FBLN1: variants seen among roughly 807,000 people sequenced by gnomAD.
FBLN1 encodes fibulin-1.
In FBLN1, 34 loss-of-function variants were observed where a neutral mutation model predicts 89.7. The observed-to-expected ratio is 0.38, with a 90% CI of 0.29 to 0.50. The LOEUF (loss-of-function observed/expected upper bound fraction) is 0.50. Ranked by LOEUF, FBLN1 falls within the 20% of genes least tolerant of loss-of-function variation. The pLI is 0.92. For missense variants in FBLN1, 777 were observed against 988.1 expected, an observed-to-expected ratio of 0.79 and a Z score of 2.86; for synonymous variants, 393 against 391.3, an observed-to-expected ratio of 1.00 and a Z score of -0.05.
At position 45,549,169 on chromosome 22, in the gene FBLN1, G is replaced by A. The variant is rs1011315852; in HGVS notation, c.1573+425G>A. 6.6e-6 allele frequency among the ~76,000 whole-genome samples: 1 copy of A among 152,240 alleles called. No homozygotes were observed. The highest frequency in any genetic ancestry group is 1.5e-5 in the Non-Finnish European group (1 of 68,028). ...ATGGGTCAGCTCCAGCATCGGCTAAGTAATGGTGGCCAATGGCATTGGTTC... is the reference window on the plus strand; with the variant it reads ...ATGGGTCAGCTCCAGCATCGGCTAAATAATGGTGGCCAATGGCATTGGTTC... On this transcript the variant is annotated intron_variant, in intron 13 of 16. Coordinates refer to ENST00000327858, the MANE Select transcript of FBLN1 (RefSeq NM_006486.3). The surrounding 1 kb of genome is among the most constrained non-coding windows in gnomAD (Gnocchi z 5.7).
In FBLN1 at chr22:45,557,698, C is replaced by T. The variant is rs2088806199; in HGVS notation, c.1697+7083C>T. Among the ~76,000 whole-genome samples the T allele has an allele frequency of 6.6e-6, 1 of 152,232 alleles. No homozygotes were observed. Among genetic ancestry groups the T allele is most frequent in the Admixed American group, 6.5e-5 (1 of 15,284 alleles). ...TTTTATGTGATATGGTGAGCACTCT[C>T]ATGTGATACAAATATCTTCACAGTT... is the stretch of plus-strand genomic sequence containing the variant. On this transcript the variant is annotated intron_variant, in intron 14 of 16. Coordinates refer to ENST00000327858, the MANE Select transcript of FBLN1 (RefSeq NM_006486.3). The surrounding 1 kb of genome is among the most constrained non-coding windows in gnomAD (Gnocchi z 4.9).
At chr22:45,512,211 C>T (rs965794500) in intron 1 of FBLN1, among the ~76,000 whole-genome samples, 2 of 152,014 alleles carry the variant, frequency 1.3e-5, no homozygotes, top group Non-Finnish European at 2.9e-5. Flanking sequence ...TCGGTTGGCC[C>T]ACATTATCCT....
chr22:45,580,336 C>T lies in FBLN1; in HGVS notation c.1972+3228C>T, dbSNP rs905547541. On this transcript the variant is annotated intron_variant, in intron 16 of 16. Coordinates refer to ENST00000327858, the MANE Select transcript of FBLN1 (RefSeq NM_006486.3). The surrounding 1 kb of genome is among the most constrained non-coding windows in gnomAD (Gnocchi z 8.6). ...GCTGCCTGCAGCACACGGCAGGGAA[C>T]GCCGCCTACTCACGGTGCTTGCTGA... Among the ~76,000 whole-genome samples, 11 of 152,266 alleles carry T rather than the reference C, an allele frequency of 7.2e-5. No individual in the cohort carries two copies. The highest frequency in any genetic ancestry group is 2.4e-4 in the African/African-American group (10 of 41,570).
At position 45,572,890 on chromosome 22, in the gene FBLN1, A is replaced by G. The variant is rs2088962629; in HGVS notation, c.1698-1621A>G. Among the ~76,000 whole-genome samples the G allele has an allele frequency of 1.3e-5, 2 of 152,240 alleles. No individual in the cohort carries two copies. The highest frequency in any genetic ancestry group is 4.8e-5 in the African/African-American group (2 of 41,466). On this transcript the variant is annotated intron_variant, in intron 14 of 16. Transcript: ENST00000327858. This position sits in a 1 kb window ranked among gnomAD's most constrained non-coding sequence, Gnocchi z 5.8. ...GCAAAGTCCAGCCTGTAGGAAACAC[A>G]ACAGCTCAAATTCTTCAGGTTCTTT...
chr22:45,563,143 C>A lies in FBLN1; in HGVS notation c.1698-11368C>A, dbSNP rs1245915473. ...TGAGCCCCCACAGTGGGGTGGTGGC[C>A]CTCACCAAGCCTGTCCCCGAGCCCA... On this transcript the variant is annotated intron_variant, in intron 14 of 16. Transcript: ENST00000327858. The surrounding 1 kb of genome is among the most constrained non-coding windows in gnomAD (Gnocchi z 5.7). 6.2e-7 allele frequency: 1 copy of A among 1,613,344 alleles called. No homozygotes were observed. Among genetic ancestry groups the A allele is most frequent in the African/African-American group, 1.3e-5 (1 of 74,914 alleles).
rs2089006123 is a variant in FBLN1 at position 45,577,288 on chromosome 22, G to C, written c.1972+180G>C. On this transcript the variant is annotated intron_variant, in intron 16 of 16. Coordinates refer to ENST00000327858, the MANE Select transcript of FBLN1 (RefSeq NM_006486.3). This position sits in a 1 kb window ranked among gnomAD's most constrained non-coding sequence, Gnocchi z 6.6. Reference sequence around the variant, plus strand: ...TCGGTCTCGGCCGGAGGAACAGCCAGAGTGGGGGATCCTGCCTGGGATCTG... The same window carrying C: ...TCGGTCTCGGCCGGAGGAACAGCCACAGTGGGGGATCCTGCCTGGGATCTG... Among the ~76,000 whole-genome samples the C allele has an allele frequency of 1.3e-5, 2 of 152,146 alleles. No homozygotes were observed. Among genetic ancestry groups the C allele is most frequent in the Non-Finnish European group, 2.9e-5 (2 of 68,028 alleles).
At position 45,596,157 on chromosome 22, in the gene FBLN1, CTA is replaced by C. The variant is rs1217784713; in HGVS notation, c.1973-4149_1973-4148del. On this transcript the variant is annotated intron_variant, in intron 16 of 16. Coordinates refer to ENST00000327858, the MANE Select transcript of FBLN1 (RefSeq NM_006486.3). Reference sequence around the variant, plus strand: ...GTGCCGGGATCACAGGCGTGAGCCACTACGCCCGGCCAAAGGTTGCTGTTTTT... The same window carrying C: ...GTGCCGGGATCACAGGCGTGAGCCACCGCCCGGCCAAAGGTTGCTGTTTTT... Among the ~76,000 whole-genome samples the C allele has an allele frequency of 7.9e-5, 12 of 152,372 alleles. 1 individual carries two copies. The East Asian group carries it at 1.9e-3, about 24-fold the overall frequency.
intron 14 of FBLN1, among the ~76,000 whole-genome samples, chr22:45,571,954 C>A (rs968178216): frequency 2.0e-5 from 3 of 151,962 alleles, no homozygotes; most frequent in Admixed American, 2.0e-4. Flanking sequence ...CATGATGAAA[C>A]CCCATCTCTA....
chr22:45,535,093 G>A, intron 7 of FBLN1, 107 bp from the exon 8 acceptor site: 1 of 1,290,708 alleles, frequency 7.7e-7, no homozygotes, highest in Non-Finnish European at 1.1e-6. Flanking sequence ...TTGGGTTATA[G>A]TCTGAGTAAT....
intron 1 of FBLN1, among the ~76,000 whole-genome samples, chr22:45,516,176 T>C (rs1374310186): frequency 6.6e-6 from 1 of 151,786 alleles, no homozygotes; most frequent in Non-Finnish European, 1.5e-5. Context: ...GGAGACGGGC[T>C]GTGGAAGACA....
chr22:45,543,669 T>C (rs1054010740), intron 11 of FBLN1, 143 bp downstream of exon 11: 5 of 1,193,266 alleles, frequency 4.2e-6, no homozygotes, highest in East Asian at 5.1e-5. Flanking sequence ...CTGTAAAATA[T>C]TGTTCATCAG....
At chr22:45,596,688 ATAAT>A (rs1395674977) in intron 16 of FBLN1, among the ~76,000 whole-genome samples, 2 of 109,492 alleles carry the variant, frequency 1.8e-5, no homozygotes, top group African/African-American at 5.3e-5. Context: ...ACATAATATG[ATAAT>A]TATATATTTA....
In FBLN1 at chr22:45,572,386, A is replaced by C. The variant is rs1422759836; in HGVS notation, c.1698-2125A>C. On this transcript the variant is annotated intron_variant, in intron 14 of 16. Transcript: ENST00000327858. The surrounding 1 kb of genome is among the most constrained non-coding windows in gnomAD (Gnocchi z 5.8). ...CAACAAAGGATAAAAATTGCAGAGG[A>C]TCAAACCTCATCGGAGTGGCTTCCA... Among the ~76,000 whole-genome samples the C allele has an allele frequency of 6.6e-6, 1 of 152,182 alleles. No homozygotes were observed. The highest frequency in any genetic ancestry group is 1.5e-5 in the Non-Finnish European group (1 of 68,040).
chr22:45,506,097 T>C (rs2088016896), intron 1 of FBLN1, among the ~76,000 whole-genome samples: 2 of 152,266 alleles, frequency 1.3e-5, no homozygotes, highest in Admixed American at 6.5e-5. Flanking sequence ...TTAGCTATTA[T>C]TCCTGTTGTC....
At chr22:45,513,344 A>G (rs6007072) in intron 1 of FBLN1, among the ~76,000 whole-genome samples, 11,648 of 145,682 alleles carry the variant, frequency 0.08, 538 homozygotes, top group African/African-American at 0.1. Flanking sequence ...TCACTCTGTC[A>G]CCCAGGCTGG....
At position 45,550,469 on chromosome 22, in the gene FBLN1, T is replaced by C. The variant is rs1015642258; in HGVS notation, c.1574-23T>C. On this transcript the variant is annotated intron_variant, in intron 13 of 16. Coordinates refer to ENST00000327858, the MANE Select transcript of FBLN1 (RefSeq NM_006486.3). This position sits in a 1 kb window ranked among gnomAD's most constrained non-coding sequence, Gnocchi z 8.4. ...GCTCCTGCAGCCTCTGCCTTCACTG[T>C]GCTGCTGTGGGGTCTCTTGCAGACA... 3.1e-6 allele frequency: 5 copies of C among 1,613,672 alleles called. No homozygotes were observed. The African/African-American group carries it at 5.3e-5, about 17-fold the overall frequency.
chr22:45,585,852 T>G (rs781574117), intron 16 of FBLN1, among the ~76,000 whole-genome samples: 25 of 152,132 alleles, frequency 1.6e-4, no homozygotes, highest in Non-Finnish European at 1.3e-4. Flanking sequence ...CATCAGAGCC[T>G]GTGCCCTGTG....
At chr22:45,528,260 A>G (rs1467285413) in intron 4 of FBLN1, among the ~76,000 whole-genome samples, 1 of 152,116 alleles carries the variant, frequency 6.6e-6, no homozygotes, top group Admixed American at 6.6e-5. Flanking sequence ...TTTTTCTCTG[A>G]AGGCCTTCTG....
intron 14 of FBLN1, chr22:45,558,582 C>G (rs2088817264): frequency 6.3e-6 from 1 of 158,468 alleles, no homozygotes; most frequent in Non-Finnish European, 1.4e-5. Flanking sequence ...GCACAACAGC[C>G]TGGACCTGTC....
Sources: allele counts gnomAD v4.1 joint callset (sites outside exome capture counted in the v4.1 genomes callset), GRCh38; gene constraint gnomAD v4.1.1; non-coding constraint Gnocchi (gnomAD v3.1); transcripts MANE v1.5; gene names NCBI Gene and HGNC (gene_info 2026-07-23, HGNC 2026-07-21).